Variants in ZNF682 observed in about 807,000 individuals in gnomAD.
ZNF682 encodes zinc finger protein 682.
A neutral mutation model predicts 36.5 loss-of-function variants in ZNF682; 29 were observed. The observed-to-expected ratio is 0.80, with a 90% CI of 0.59 to 1.08. The LOEUF is 1.08. ZNF682 is among the 50% of genes least tolerant of loss of function. The pLI is 0.00. For synonymous variants in ZNF682, 180 were observed against 197.0 expected, an observed-to-expected ratio of 0.91 and a Z score of 0.72; for missense variants, 561 against 579.7, an observed-to-expected ratio of 0.97 and a Z score of 0.33.
intron 3 of ZNF682, among the ~76,000 whole-genome samples, chr19:20,022,532 T>C (rs1327764877): frequency 6.6e-6 from 1 of 151,690 alleles, no homozygotes; most frequent in Non-Finnish European, 1.5e-5. Flanking sequence ...CTGGGCGTGG[T>C]GGCATACGTA....
intron 3 of ZNF682, chr19:20,015,557 G>A (rs1326220623): frequency 2.2e-6 from 1 of 451,432 alleles, no homozygotes; most frequent in African/African-American, 2.1e-5. Flanking sequence ...AAAATTAAAA[G>A]AAACTATAAC....
rs574900440 is a variant in ZNF682 at position 20,029,679 on chromosome 19, C to T, written c.4-5303G>A. The stretch of plus-strand genomic sequence containing the variant: ...ATAGACACAAGAATGAAATACAGAA[C>T]GGGAAAATTAAGTGTAGTTCAAAGG... On this transcript the variant is annotated intron_variant, in intron 1 of 3. Coordinates refer to ENST00000397165, the MANE Select transcript of ZNF682 (RefSeq NM_033196.3). Among the ~76,000 whole-genome samples, 369 of 150,586 alleles carry T rather than the reference C, an allele frequency of 2.5e-3. 3 individuals are homozygous for T. The highest frequency in any genetic ancestry group is 4.0e-3 in the Non-Finnish European group (268 of 67,526).
chr19:20,030,859 A>T (rs2088473570), intron 1 of ZNF682: 1 of 152,144 alleles, frequency 6.6e-6, no homozygotes, highest in Non-Finnish European at 1.5e-5. Context: ...TTTTCACCCA[A>T]GTGAAAACTG....
At position 20,006,997 on chromosome 19, in the gene ZNF682, T is replaced by C. The variant is rs913906245; in HGVS notation, c.505A>G (p.Thr169Ala). ...NLNRENIRHTTEKLFKCMQCG... is the reference protein window; with the variant it reads ...NLNRENIRHTAEKLFKCMQCG... Reference sequence around the variant, plus strand: ...TGCATACATTTGAAAAGTTTCTCTGTAGTATGTCTTATGTTTTCTCTATTT... The same window carrying C: ...TGCATACATTTGAAAAGTTTCTCTGCAGTATGTCTTATGTTTTCTCTATTT... The change falls in exon 4 of 4, where the codon ACA (threonine) becomes GCA (alanine). Residue 169 changes from threonine to alanine, a missense_variant. Physicochemically the swap from Thr to Ala is moderately conservative, Grantham distance 58. Coordinates refer to ENST00000397165, the MANE Select transcript of ZNF682 (RefSeq NM_033196.3). 1.2e-6 allele frequency: 2 copies of C among 1,612,944 alleles called. No individual in the cohort carries two copies. Among genetic ancestry groups the C allele is most frequent in the South Asian group, 1.1e-5 (1 of 90,958 alleles).
intron 3 of ZNF682, among the ~76,000 whole-genome samples, chr19:19,998,608 C>T (rs982745681): frequency 6.6e-6 from 1 of 152,132 alleles, no homozygotes; most frequent in Non-Finnish European, 1.5e-5. Context: ...GAGGCTTAGG[C>T]CTCATAAGAA....
downstream of ZNF682, chr19:20,004,305 T>A (rs142631490): frequency 1.3e-5 from 2 of 152,328 alleles, no homozygotes; most frequent in East Asian, 3.9e-4. Flanking sequence ...GAGATGCCAT[T>A]CCACTATATT....
chr19:20,022,431 G>T (rs977383443), intron 3 of ZNF682, among the ~76,000 whole-genome samples: 3 of 152,030 alleles, frequency 2.0e-5, no homozygotes, highest in African/African-American at 7.2e-5. Context: ...ACTTTGGGAG[G>T]CTGAGGTGGG....
intron 3 of ZNF682, among the ~76,000 whole-genome samples, chr19:20,009,980 A>T (rs1183310882): frequency 6.6e-6 from 1 of 152,014 alleles, no homozygotes; most frequent in East Asian, 1.9e-4. Context: ...AGATTGCACC[A>T]CTGCACTCCA....
chr19:20,032,949 G>A (rs914190135), intron 1 of ZNF682, among the ~76,000 whole-genome samples: 2 of 152,156 alleles, frequency 1.3e-5, no homozygotes, highest in Non-Finnish European at 2.9e-5. Context: ...GGTACTTGCT[G>A]AAGGTAGGGT....
intron 3 of ZNF682, among the ~76,000 whole-genome samples, chr19:20,018,088 T>G (rs2088351760): frequency 1.0e-5 from 1 of 96,686 alleles, no homozygotes. Context: ...CTTTTTTTTT[T>G]TTTTTTTTTT....
At position 20,006,322 on chromosome 19, in the gene ZNF682, C is replaced by T. The variant is rs1235169372; in HGVS notation, c.1180G>A (p.Glu394Lys). 1.2e-6 allele frequency: 2 copies of T among 1,613,524 alleles called. No individual in the cohort carries two copies. The change falls in exon 4 of 4, where the codon GAG becomes AAG. Residue 394 changes from glutamate (E) to lysine (K), a missense_variant. By Grantham distance (56) the Glu-to-Lys change is moderately conservative. Transcript: ENST00000397165. ...LTKHKRIHTG[E>K]KPYKCEECGK... Reference sequence around the variant, plus strand: ...CATTCTTCACATTTGTAGGGTTTCTCTCCAGTGTGAATTCTCTTGTGTTTA... The same window carrying T: ...CATTCTTCACATTTGTAGGGTTTCTTTCCAGTGTGAATTCTCTTGTGTTTA...
At chr19:20,018,141 T>C (rs2088353017) in intron 3 of ZNF682, among the ~76,000 whole-genome samples, 1 of 125,928 alleles carries the variant, frequency 7.9e-6, no homozygotes, top group African/African-American at 3.1e-5. Flanking sequence ...TCGCCCAGGC[T>C]GGAGTGCAGT....
intron 1 of ZNF682, among the ~76,000 whole-genome samples, chr19:20,027,211 G>A (rs965940278): frequency 7.2e-5 from 11 of 152,068 alleles, no homozygotes; most frequent in South Asian, 2.1e-4. Context: ...TGCTACCACC[G>A]CACCCACAGG....
intron 3 of ZNF682, among the ~76,000 whole-genome samples, chr19:20,016,834 A>C (rs979359479): frequency 3.3e-5 from 5 of 152,166 alleles, no homozygotes; most frequent in Non-Finnish European, 5.9e-5. Flanking sequence ...CTACTATAAT[A>C]ATAATGCATA....
chr19:20,025,737 C>G (rs1003340721), intron 1 of ZNF682, among the ~76,000 whole-genome samples: 8 of 151,046 alleles, frequency 5.3e-5, no homozygotes, highest in Non-Finnish European at 8.9e-5. Context: ...AATTGATGTA[C>G]AGTGTCAACA....
intron 3 of ZNF682, among the ~76,000 whole-genome samples, chr19:20,019,537 G>T (rs1455438115): frequency 6.6e-6 from 1 of 151,832 alleles, no homozygotes; most frequent in Non-Finnish European, 1.5e-5. Flanking sequence ...AAACTTACAG[G>T]ATAGAAAAAA....
downstream of ZNF682, among the ~76,000 whole-genome samples, chr19:20,000,793 T>G (rs2088162929): frequency 1.3e-5 from 2 of 152,186 alleles, no homozygotes; most frequent in African/African-American, 4.8e-5. Flanking sequence ...AATCAATCTT[T>G]TTTAGCTTGG....
At chr19:20,004,164 G>A (rs566658278), downstream of ZNF682, among the ~76,000 whole-genome samples, 3 of 152,220 alleles carry the variant, frequency 2.0e-5, no homozygotes, top group African/African-American at 7.2e-5. Context: ...TTGATTATAT[G>A]CCTGTGTAAT....
chr19:20,004,708 C>T lies in ZNF682; in HGVS notation c.*1297G>A, dbSNP rs149297353. On this transcript the variant is annotated 3_prime_UTR_variant, in exon 4 of 4. Coordinates refer to ENST00000397165, the MANE Select transcript of ZNF682 (RefSeq NM_033196.3). The stretch of plus-strand genomic sequence containing the variant: ...CATCCTAATATAGAACTTCTCAAAC[C>T]CCGAGCAGCAGAAATTGACCACATG... 6.6e-6 allele frequency: 1 copy of T among 152,076 alleles called. No homozygotes were observed. The highest frequency in any genetic ancestry group is 1.9e-4 in the East Asian group (1 of 5,200). 9.4% of individuals were successfully genotyped at this position (152,076 alleles called of 1,614,324 possible). A position where few individuals can be genotyped will look rare whatever the true frequency, so the allele number is the denominator to read the frequency against.
Sources: gnomAD v4.1 joint callset for allele counts (sites outside exome capture counted in the v4.1 genomes callset) on GRCh38, gnomAD v4.1.1 for gene constraint, MANE v1.5 for transcripts, NCBI Gene and HGNC (gene_info 2026-07-23, HGNC 2026-07-21) for gene names.